The following HNRNPM variants were observed in gnomAD, a reference collection of about 807,000 sequenced individuals.
HNRNPM encodes heterogeneous nuclear ribonucleoprotein M.
Under a neutral mutation model 73.1 loss-of-function variants are expected in HNRNPM, and 11 were observed. The observed-to-expected ratio is 0.15, with a 90% CI of 0.09 to 0.25. HNRNPM has a LOEUF of 0.25. Ranked by LOEUF, HNRNPM falls within the 10% of genes least tolerant of loss-of-function variation. The pLI is 1.00. For missense variants in HNRNPM, 789 were observed against 1,067.9 expected (o/e 0.74, Z 3.64); for synonymous variants, 407 against 355.2 (o/e 1.15, Z -1.64).
rs1166695044 is a variant in HNRNPM, at chr19:8,468,727, A to G, written c.835-47A>G. 5 of 1,472,394 alleles carry G rather than the reference A, an allele frequency of 3.4e-6. No homozygotes were observed. The African/African-American group carries it at 6.9e-5, about 20-fold the overall frequency. 91.2% of individuals were successfully genotyped at this position (1,472,394 alleles called of 1,614,324 possible). A position where few individuals can be genotyped will look rare whatever the true frequency, so the allele number is the denominator to read the frequency against. ...ATTTCAGTCTTTTGCTGTTGCAAAC[A>G]CTGCTGCACTGGATACTGAGATTTG... On this transcript the variant is annotated intron_variant, in intron 8 of 15. Transcript: ENST00000325495.
At chr19:8,454,381 A>T (rs1968843696) in intron 1 of HNRNPM, among the ~76,000 whole-genome samples, 1 of 152,240 alleles carries the variant, frequency 6.6e-6, no homozygotes, top group Non-Finnish European at 1.5e-5. Flanking sequence ...CTCAAGGTTC[A>T]TGCATGTTGT....
At chr19:8,445,454 G>C (rs1968080099) in intron 1 of HNRNPM, 1 of 212,082 alleles carries the variant, frequency 4.7e-6, no homozygotes, top group African/African-American at 2.3e-5. Context: ...CGCTCCCCGG[G>C]AGGGTGACCT....
chr19:8,445,028 G>T lies in HNRNPM; in HGVS notation c.30G>T (p.Glu10Asp). 4 of 1,426,036 alleles carry T rather than the reference G, an allele frequency of 2.8e-6. No homozygotes were observed. Among genetic ancestry groups the T allele is most frequent in the Non-Finnish European group, 3.7e-6 (4 of 1,093,282 alleles). 88.3% of individuals were successfully genotyped at this position (1,426,036 alleles called of 1,614,324 possible). A position where few individuals can be genotyped will look rare whatever the true frequency, so the allele number is the denominator to read the frequency against. The change falls in exon 1 of 16, where the codon GAG becomes GAT. Residue 10 changes from glutamate to aspartate, a missense_variant. By Grantham distance (45) the Glu-to-Asp change is conservative (BLOSUM62 2). Around this residue, in one of 4 missense-constraint regions of HNRNPM, gnomAD observed 79 missense variants for 70.7 expected, o/e 1.12. Transcript: ENST00000325495. The part of the protein sequence containing the change: MAAGVEAAA[E>D]VAATEIKMEE... ...CGGCAGGGGTCGAAGCGGCGGCGGA[G>T]GTGGCGGCGACGGAGATCAAAATGG...
intron 1 of HNRNPM, chr19:8,445,356 C>G (rs1968068638): frequency 2.7e-6 from 1 of 373,726 alleles, no homozygotes. Context: ...CCGGGGCCAA[C>G]CCCGTAGTCG....
chr19:8,446,068 G>C (rs1968161096), intron 1 of HNRNPM, among the ~76,000 whole-genome samples: 1 of 152,180 alleles, frequency 6.6e-6, no homozygotes, highest in Admixed American at 6.5e-5. Flanking sequence ...AGAGGTTTTG[G>C]CTCCAAGATC....
chr19:8,481,967 C>CTTT (rs35179733), intron 12 of HNRNPM, among the ~76,000 whole-genome samples: 6 of 117,322 alleles, frequency 5.1e-5, no homozygotes, highest in Middle Eastern at 4.5e-3. Context: ...TGTTTGGTGT[C>CTTT]TTTTTTTTTT....
chr19:8,450,724 A>ATT lies in HNRNPM; in HGVS notation c.114-4680_114-4679dup, dbSNP rs1187609164. 5.2e-4 allele frequency among the ~76,000 whole-genome samples: 24 copies of ATT among 45,876 alleles called. No individual in the cohort carries two copies. The East Asian group carries it at 0.022, about 43-fold the overall frequency. 30.1% of individuals were successfully genotyped at this position (45,876 alleles called of 152,430 possible). A position where few individuals can be genotyped will look rare whatever the true frequency, so the allele number is the denominator to read the frequency against. On this transcript the variant is annotated intron_variant, in intron 1 of 15. Transcript: ENST00000325495. ...TTTAATTTAATTAATTATTATTATT[A>ATT]TTATTTTTTTTTTTTTTGAGATGGA...
intron 14 of HNRNPM, 104 bp downstream of exon 14, chr19:8,486,509 C>A: frequency 1.1e-6 from 1 of 937,724 alleles, no homozygotes; most frequent in Non-Finnish European, 1.6e-6. Flanking sequence ...CAAAGGGGAC[C>A]ACACCTCCTT....
intron 15 of HNRNPM, 58 bp downstream of exon 15, chr19:8,487,133 G>A (rs546976529): frequency 4.8e-5 from 70 of 1,452,394 alleles, no homozygotes; most frequent in Admixed American, 2.0e-4. Flanking sequence ...TGACGCAGCC[G>A]AGTCAGCAGC....
chr19:8,452,594 A>G (rs914344128), intron 1 of HNRNPM, among the ~76,000 whole-genome samples: 3 of 152,160 alleles, frequency 2.0e-5, no homozygotes, highest in Non-Finnish European at 2.9e-5. Context: ...ACTCAGGTAG[A>G]TTGCGTTCTA....
rs999498949 is a variant in HNRNPM, at chr19:8,466,068, C to G, written c.631-167C>G. ...GGTACAGTTTATTTACAGTGAAGGC[C>G]AGGCTTTATAATCCTATTTTAAAAT... is the stretch of plus-strand genomic sequence containing the variant. On this transcript the variant is annotated intron_variant, in intron 6 of 15. Coordinates refer to ENST00000325495, the MANE Select transcript of HNRNPM (RefSeq NM_005968.5). Among the ~76,000 whole-genome samples the G allele has an allele frequency of 7.9e-5, 12 of 152,134 alleles. 1 individual carries two copies. Among genetic ancestry groups the G allele is most frequent in the African/African-American group, 2.9e-4 (12 of 41,404 alleles).
chr19:8,483,638 A>G (rs1343162999), intron 13 of HNRNPM, among the ~76,000 whole-genome samples: 1 of 152,250 alleles, frequency 6.6e-6, no homozygotes, highest in African/African-American at 2.4e-5. Context: ...TAAAATAGAT[A>G]AATGTACTCA....
intron 8 of HNRNPM, among the ~76,000 whole-genome samples, chr19:8,468,048 A>G (rs1437543525): frequency 1.3e-5 from 2 of 152,164 alleles, no homozygotes; most frequent in Non-Finnish European, 2.9e-5. Context: ...AGAAGAAAAA[A>G]AAACATTTTG....
chr19:8,447,926 TGAGGCAGGAGAATGGCGTGAACCTGG>T (rs1968323646), intron 1 of HNRNPM, among the ~76,000 whole-genome samples: 1 of 152,112 alleles, frequency 6.6e-6, no homozygotes, highest in Non-Finnish European at 1.5e-5. Context: ...CTGGGGAGGC[TGAGGCAGGAGAATGGCGTGAACCTGG>T]GAGGCAGAGC....
chr19:8,462,941 C>G lies in HNRNPM; in HGVS notation c.336+360C>G, dbSNP rs1437214536. Among the ~76,000 whole-genome samples the G allele has an allele frequency of 6.6e-6, 1 of 152,204 alleles. No homozygotes were observed. Among genetic ancestry groups the G allele is most frequent in the Non-Finnish European group, 1.5e-5 (1 of 68,038 alleles). Reference sequence around the variant, plus strand: ...GTGTGTTCTTGTCTAGAAAATGTTACTCTTGGTTGTTTGCTGAATTTGAAA... The same window carrying G: ...GTGTGTTCTTGTCTAGAAAATGTTAGTCTTGGTTGTTTGCTGAATTTGAAA... On this transcript the variant is annotated intron_variant, in intron 3 of 15. Coordinates refer to ENST00000325495, the MANE Select transcript of HNRNPM (RefSeq NM_005968.5). This position sits in a 1 kb window ranked among gnomAD's most constrained non-coding sequence, Gnocchi z 4.5.
chr19:8,446,406 T>TA (rs1429558566), intron 1 of HNRNPM, among the ~76,000 whole-genome samples: 1 of 152,202 alleles, frequency 6.6e-6, no homozygotes, highest in Non-Finnish European at 1.5e-5. Flanking sequence ...GTTGAGCACT[T>TA]ATATATTTAA....
At chr19:8,466,149 C>G (rs1365391271) in intron 6 of HNRNPM, 86 bp from the exon 7 acceptor site, 4 of 1,314,348 alleles carry the variant, frequency 3.0e-6, no homozygotes, top group Non-Finnish European at 3.2e-6. Flanking sequence ...TTTTTCCAAC[C>G]AAAGCATGTA....
At chr19:8,452,433 T>C (rs893693203) in intron 1 of HNRNPM, among the ~76,000 whole-genome samples, 25 of 152,226 alleles carry the variant, frequency 1.6e-4, no homozygotes, top group African/African-American at 6.0e-4. Flanking sequence ...GTCGTCGTCA[T>C]TTTCCAGGAA....
At chr19:8,479,536 C>T (rs1970754830) in intron 12 of HNRNPM, among the ~76,000 whole-genome samples, 1 of 151,996 alleles carries the variant, frequency 6.6e-6, no homozygotes, top group Non-Finnish European at 1.5e-5. Flanking sequence ...GGTATGATCT[C>T]ACTGTAGCAG....
Sources: gnomAD v4.1 joint callset for allele counts (sites outside exome capture counted in the v4.1 genomes callset) on GRCh38, gnomAD v4.1.1 for gene constraint, gnomAD v4.1.1 regional missense constraint, Gnocchi (gnomAD v3.1) non-coding constraint, MANE v1.5 for transcripts, NCBI Gene and HGNC (gene_info 2026-07-23, HGNC 2026-07-21) for gene names.